AMIGO3: variants seen among roughly 807,000 people sequenced by gnomAD.
The protein encoded by AMIGO3 is adhesion molecule with Ig like domain 3.
Under a neutral mutation model 4.3 loss-of-function variants are expected in AMIGO3, and 6 were observed. That is an observed-to-expected ratio of 1.39 (90% CI 0.76 to 2.75). AMIGO3 has a LOEUF of 2.75. AMIGO3 is among the 30% of genes most tolerant of loss of function. The pLI is 0.00. For synonymous variants in AMIGO3, 315 were observed against 320.0 expected, an observed-to-expected ratio of 0.98 and a Z score of 0.17; for missense variants, 771 against 692.1, an observed-to-expected ratio of 1.11 and a Z score of -1.28.
chr3:49,717,558 G>T lies in AMIGO3; in HGVS notation c.*393C>A, dbSNP rs933890234. ...GCTGTCTCAGCCCCTGAGGGTGGACGGGAGGCTCTGCTACAGGGGTTCTTC... is the reference window on the plus strand; with the variant it reads ...GCTGTCTCAGCCCCTGAGGGTGGACTGGAGGCTCTGCTACAGGGGTTCTTC... On this transcript the variant is annotated 3_prime_UTR_variant, in exon 1 of 1. Coordinates refer to ENST00000320431, the MANE Select transcript of AMIGO3 (RefSeq NM_198722.3). 18 of 246,382 alleles carry T rather than the reference G, an allele frequency of 7.3e-5. No individual in the cohort carries two copies. The highest frequency in any genetic ancestry group is 2.4e-5 in the Non-Finnish European group (3 of 125,480). The allele number at this position is 246,382 out of a possible 1,614,324, so 15.3% of individuals were successfully genotyped here.
rs760066540 is a variant in AMIGO3, at chr3:49,718,808, GGTT to G, written c.655_657del (p.Asn219del). The G allele has an allele frequency of 1.8e-5, 29 of 1,613,230 alleles. No individual in the cohort carries two copies. Among genetic ancestry groups the G allele is most frequent in the East Asian group, 2.2e-5 (1 of 44,894 alleles). ...TAGAGGCGGCAGTCGCAAGGCAAAG[GGTT>G]GTTGTGCAAGTAGAGGCCGTTCTTG... On this transcript the variant is annotated inframe_deletion, in exon 1 of 1. Transcript: ENST00000320431.
In AMIGO3 at chr3:49,719,029, A is replaced by C; in HGVS notation, c.437T>G (p.Val146Gly). 6.2e-7 allele frequency: 1 copy of C among 1,613,892 alleles called. No individual in the cohort carries two copies. The highest frequency in any genetic ancestry group is 1.1e-5 in the South Asian group (1 of 91,092). ...EKLLLFNNRL[V>G]HLDEHAFHGL... ...GTGGAAGGCATGCTCGTCCAAGTGC[A>C]CCAAGCGGTTATTGAACAGAAGCAG... The change falls in exon 1 of 1, where the codon GTG (valine) becomes GGG (glycine). Residue 146 changes from valine to glycine, a missense_variant. Val to Gly is a moderately radical substitution (Grantham distance 109). Coordinates refer to ENST00000320431, the MANE Select transcript of AMIGO3 (RefSeq NM_198722.3).
Position 49,719,474 on chromosome 3 carries a change from C to T in AMIGO3, c.-9G>A. ...AGCACCAACCAGGTCATGGCGGCGACCACCAGGGACAGTACAGAGCAGCTC... is the reference window on the plus strand; with the variant it reads ...AGCACCAACCAGGTCATGGCGGCGATCACCAGGGACAGTACAGAGCAGCTC... On this transcript the variant is annotated 5_prime_UTR_variant, in exon 1 of 1. Coordinates refer to ENST00000320431, the MANE Select transcript of AMIGO3 (RefSeq NM_198722.3). 1 of 1,606,472 alleles carries T rather than the reference C, an allele frequency of 6.2e-7. No individual in the cohort carries two copies. Among genetic ancestry groups the T allele is most frequent in the Non-Finnish European group, 8.5e-7 (1 of 1,176,310 alleles).
Position 49,719,170 on chromosome 3 carries a change from G to T in AMIGO3, c.296C>A (p.Ala99Glu). 1 of 1,613,526 alleles carries T rather than the reference G, an allele frequency of 6.2e-7. No homozygotes were observed. The highest frequency in any genetic ancestry group is 8.5e-7 in the Non-Finnish European group (1 of 1,179,994). The change falls in exon 1 of 1, where the codon GCG (alanine) becomes GAG (glutamate). Residue 99 changes from alanine to glutamate, a missense_variant. By Grantham distance (107) the Ala-to-Glu change is moderately radical. Coordinates refer to ENST00000320431, the MANE Select transcript of AMIGO3 (RefSeq NM_198722.3). ...GTTGACGAAGACGCCGCGACCCAGC[G>T]CATCTAGTTCGTTGTGGTCTAGGTG... ...ALHLDHNELD[A>E]LGRGVFVNAS...
rs746321350 is a variant in AMIGO3, at chr3:49,719,354, A to C, written c.112T>G (p.Cys38Gly). Reference sequence around the variant, plus strand: ...CTTAGCAGGTCGGCAGCGCAGATACATTTGTAGGGGCAGTTGTGGAGCGCA... The same window carrying C: ...CTTAGCAGGTCGGCAGCGCAGATACCTTTGTAGGGGCAGTTGTGGAGCGCA... ...PRALHNCPYK[C>G]ICAADLLSCT... Residue 38 changes from cysteine to glycine, a missense_variant, in exon 1 of 1, where the codon TGT (cysteine) becomes GGT (glycine). Cys to Gly is a radical substitution (Grantham distance 159, BLOSUM62 -3). Transcript: ENST00000320431. 92 of 1,613,366 alleles carry C rather than the reference A, an allele frequency of 5.7e-5. No individual in the cohort carries two copies. The highest frequency in any genetic ancestry group is 1.7e-4 in the Middle Eastern group (1 of 5,844).
Position 49,718,464 on chromosome 3 carries a change from G to A in AMIGO3, c.1002C>T (p.Asp334=), listed in dbSNP as rs2080301926. Reference sequence around the variant, plus strand: ...GTACGTTGCCTATGGCCAAGCTGCCGTCGGCCAGCACCGCGATGCTGCCAT... The same window carrying A: ...GTACGTTGCCTATGGCCAAGCTGCCATCGGCCAGCACCGCGATGCTGCCAT... ...SRDGSIAVLA[D]GSLAIGNVQE... The change falls in exon 1 of 1, where the codon GAC becomes GAT. Residue 334 remains aspartate, a synonymous_variant. Coordinates refer to ENST00000320431, the MANE Select transcript of AMIGO3 (RefSeq NM_198722.3). 1.2e-6 allele frequency: 2 copies of A among 1,612,882 alleles called. No individual in the cohort carries two copies. The highest frequency in any genetic ancestry group is 1.7e-6 in the Non-Finnish European group (2 of 1,179,932).
Position 49,717,287 on chromosome 3 carries a change from C to T in AMIGO3, c.*664G>A, listed in dbSNP as rs568793567. 11 of 155,966 alleles carry T rather than the reference C, an allele frequency of 7.1e-5. No individual in the cohort carries two copies. The highest frequency in any genetic ancestry group is 1.1e-4 in the Non-Finnish European group (8 of 70,326). The allele number at this position is 155,966 out of a possible 1,614,324, so 9.7% of individuals were successfully genotyped here. A position where few individuals can be genotyped will look rare whatever the true frequency, so the allele number is the denominator to read the frequency against. On this transcript the variant is annotated 3_prime_UTR_variant, in exon 1 of 1. Coordinates refer to ENST00000320431, the MANE Select transcript of AMIGO3 (RefSeq NM_198722.3). Reference sequence around the variant, plus strand: ...AGACCACCAGGAACCTCTTGAGGAGCCTTTCCTGCCTGGTGCCTGCCCACC... The same window carrying T: ...AGACCACCAGGAACCTCTTGAGGAGTCTTTCCTGCCTGGTGCCTGCCCACC...
In AMIGO3 at chr3:49,719,635, G is replaced by C; in HGVS notation, c.-170C>G. On this transcript the variant is annotated 5_prime_UTR_variant, in exon 1 of 1. Coordinates refer to ENST00000320431, the MANE Select transcript of AMIGO3 (RefSeq NM_198722.3). ...CTACTCTCCGGTTCCCAGGTTGTGAGGCGGTGCGGCACTCTTAGCCGCGCT... is the reference window on the plus strand; with the variant it reads ...CTACTCTCCGGTTCCCAGGTTGTGACGCGGTGCGGCACTCTTAGCCGCGCT... 1 of 613,060 alleles carries C rather than the reference G, an allele frequency of 1.6e-6. No homozygotes were observed. The highest frequency in any genetic ancestry group is 2.1e-5 in the South Asian group (1 of 48,196). The allele number at this position is 613,060 out of a possible 1,614,324, so 38.0% of individuals were successfully genotyped here. A position where few individuals can be genotyped will look rare whatever the true frequency, so the allele number is the denominator to read the frequency against.
At position 49,718,314 on chromosome 3, in the gene AMIGO3, G is replaced by A. The variant is rs779549537; in HGVS notation, c.1152C>T (p.Gly384=). 3.1e-6 allele frequency: 5 copies of A among 1,613,326 alleles called. No homozygotes were observed. Among genetic ancestry groups the A allele is most frequent in the South Asian group, 1.1e-5 (1 of 91,084 alleles). ...CGGCACAGCCCAGCAGTGTGGTGAA[G>A]CCTGTGTTGAAAGCCTCGGGCTCTG... ...PRPEPEAFNT[G]FTTLLGCAVG... Residue 384 remains glycine, a synonymous_variant, in exon 1 of 1, where the codon GGC becomes GGT. Coordinates refer to ENST00000320431, the MANE Select transcript of AMIGO3 (RefSeq NM_198722.3).
In AMIGO3 at chr3:49,717,991, G is replaced by A. The variant is rs768800462; in HGVS notation, c.1475C>T (p.Ser492Phe). The A allele has an allele frequency of 8.7e-6, 14 of 1,613,478 alleles. No homozygotes were observed. The highest frequency in any genetic ancestry group is 1.3e-5 in the African/African-American group (1 of 74,930). ...ACCCTCGGAGCCTATGGAGCTGGCGGACTCAGAGCCAGCCTTCAGCTGCAG... is the reference window on the plus strand; with the variant it reads ...ACCCTCGGAGCCTATGGAGCTGGCGAACTCAGAGCCAGCCTTCAGCTGCAG... ...GGLQLKAGSE[S>F]ASSIGSEGPM... The change falls in exon 1 of 1, where the codon TCC becomes TTC. Residue 492 changes from serine to phenylalanine, a missense_variant. Ser to Phe is a radical substitution (Grantham distance 155, BLOSUM62 -2). Transcript: ENST00000320431.
In AMIGO3 at chr3:49,717,871, C is replaced by G; in HGVS notation, c.*80G>C. The G allele has an allele frequency of 6.8e-7, 1 of 1,467,274 alleles. No individual in the cohort carries two copies. The highest frequency in any genetic ancestry group is 9.2e-7 in the Non-Finnish European group (1 of 1,087,950). The allele number at this position is 1,467,274 out of a possible 1,614,324, so 90.9% of individuals were successfully genotyped here. On this transcript the variant is annotated 3_prime_UTR_variant, in exon 1 of 1. Transcript: ENST00000320431. ...CAGGCACAGTGCTTCCCACCAGTATCTGCCAGTTCTCTGGACCGAAGCAGG... is the reference window on the plus strand; with the variant it reads ...CAGGCACAGTGCTTCCCACCAGTATGTGCCAGTTCTCTGGACCGAAGCAGG...
Position 49,718,347 on chromosome 3 carries a change from A to G in AMIGO3, c.1119T>C (p.Phe373=), listed in dbSNP as rs1433340405. 6.2e-7 allele frequency: 1 copy of G among 1,613,248 alleles called. No homozygotes were observed. Among genetic ancestry groups the G allele is most frequent in the African/African-American group, 1.3e-5 (1 of 74,938 alleles). The part of the protein sequence containing the change: ...QTHEYNVSVH[F]PRPEPEAFNT... ...TGAAAGCCTCGGGCTCTGGGCGCGGAAAGTGCACGCTCACGTTGTACTCGT... is the reference window on the plus strand; with the variant it reads ...TGAAAGCCTCGGGCTCTGGGCGCGGGAAGTGCACGCTCACGTTGTACTCGT... Residue 373 remains phenylalanine (F), a synonymous_variant, in exon 1 of 1, where the codon TTT becomes TTC. Coordinates refer to ENST00000320431, the MANE Select transcript of AMIGO3 (RefSeq NM_198722.3).
Position 49,718,764 on chromosome 3 carries a change from C to A in AMIGO3, c.702G>T (p.Trp234Cys). 6.2e-7 allele frequency: 1 copy of A among 1,613,276 alleles called. No homozygotes were observed. The highest frequency in any genetic ancestry group is 1.1e-5 in the South Asian group (1 of 91,084). ...DCRLYHLLQRWHQRGLSAVRD... is the reference protein window; with the variant it reads ...DCRLYHLLQRCHQRGLSAVRD... ...GCACGGCGCTCAGGCCCCGCTGGTGCCAGCGCTGTAGCAGGTGGTAGAGGC... is the reference window on the plus strand; with the variant it reads ...GCACGGCGCTCAGGCCCCGCTGGTGACAGCGCTGTAGCAGGTGGTAGAGGC... Residue 234 changes from tryptophan (W) to cysteine (C), a missense_variant, in exon 1 of 1, where the codon TGG becomes TGT. Transcript: ENST00000320431.
In AMIGO3 at chr3:49,719,566, C is replaced by T. The variant is rs1370128398; in HGVS notation, c.-101G>A. 39 of 1,082,252 alleles carry T rather than the reference C, an allele frequency of 3.6e-5. No homozygotes were observed. The highest frequency in any genetic ancestry group is 4.5e-5 in the Non-Finnish European group (34 of 751,420). 67.0% of individuals were successfully genotyped at this position (1,082,252 alleles called of 1,614,324 possible). A position where few individuals can be genotyped will look rare whatever the true frequency, so the allele number is the denominator to read the frequency against. ...GTGCGACATGGGTGGCACCGGATGG[C>T]CCTTGCCGAGGAGGCACGGCGGGTT... On this transcript the variant is annotated 5_prime_UTR_variant, in exon 1 of 1. Coordinates refer to ENST00000320431, the MANE Select transcript of AMIGO3 (RefSeq NM_198722.3).
Position 49,719,262 on chromosome 3 carries a change from C to CACG in AMIGO3, c.203_204insCGT (p.Leu68_Ser69insVal). 2 of 1,613,366 alleles carry CACG rather than the reference C, an allele frequency of 1.2e-6. No individual in the cohort carries two copies. The highest frequency in any genetic ancestry group is 1.7e-6 in the Non-Finnish European group (2 of 1,179,930). ...GCAGGCGCTGGAGCGCGTTGTGGCT[C>CACG]AGGTCGAGGTCCGCAGTAGCGGCAG... On this transcript the variant is annotated inframe_insertion, in exon 1 of 1. Coordinates refer to ENST00000320431, the MANE Select transcript of AMIGO3 (RefSeq NM_198722.3).
Position 49,718,374 on chromosome 3 carries a change from C to T in AMIGO3, c.1092G>A (p.Thr364=), listed in dbSNP as rs769465616. 1 of 1,613,366 alleles carries T rather than the reference C, an allele frequency of 6.2e-7. No homozygotes were observed. Among genetic ancestry groups the T allele is most frequent in the East Asian group, 2.2e-5 (1 of 44,878 alleles). Residue 364 remains threonine (T), a synonymous_variant, in exon 1 of 1, where the codon ACG becomes ACA. Coordinates refer to ENST00000320431, the MANE Select transcript of AMIGO3 (RefSeq NM_198722.3). ...AGTGCACGCTCACGTTGTACTCGTG[C>T]GTCTGGTTGTGGTGCAGGCGGGGCC... ...ATGPRLHHNQ[T]HEYNVSVHFP... is the part of the protein sequence containing the mutation.
rs145301034 is a variant in AMIGO3, at chr3:49,719,323, G to A, written c.143C>T (p.Thr48Ile). 177 of 1,613,128 alleles carry A rather than the reference G, an allele frequency of 1.1e-4. No individual in the cohort carries two copies. The highest frequency in any genetic ancestry group is 1.5e-4 in the Non-Finnish European group (173 of 1,180,016). The change falls in exon 1 of 1, where the codon ACT (threonine) becomes ATT (isoleucine). Residue 48 changes from threonine to isoleucine, a missense_variant. By Grantham distance (89) the Thr-to-Ile change is moderately conservative. Transcript: ENST00000320431. ...TGGCACGTCCTGCAGCCCTAGGCCA[G>A]TGCAGCTTAGCAGGTCGGCAGCGCA... ...CICAADLLSC[T>I]GLGLQDVPAE...
rs1340181406 is a variant in AMIGO3, at chr3:49,719,646, A to C, written c.-181T>G. 2 of 591,038 alleles carry C rather than the reference A, an allele frequency of 3.4e-6. No homozygotes were observed. Among genetic ancestry groups the C allele is most frequent in the East Asian group, 6.1e-5 (2 of 32,862 alleles). The allele number at this position is 591,038 out of a possible 1,614,324, so 36.6% of individuals were successfully genotyped here. A position where few individuals can be genotyped will look rare whatever the true frequency, so the allele number is the denominator to read the frequency against. Reference sequence around the variant, plus strand: ...TTCCCAGGTTGTGAGGCGGTGCGGCACTCTTAGCCGCGCTCCCTTCGGCTT... The same window carrying C: ...TTCCCAGGTTGTGAGGCGGTGCGGCCCTCTTAGCCGCGCTCCCTTCGGCTT... On this transcript the variant is annotated 5_prime_UTR_variant, in exon 1 of 1. Transcript: ENST00000320431.
At position 49,718,209 on chromosome 3, in the gene AMIGO3, C is replaced by T; in HGVS notation, c.1257G>A (p.Trp419Ter). 6 of 1,612,336 alleles carry T rather than the reference C, an allele frequency of 3.7e-6. No homozygotes were observed. Among genetic ancestry groups the T allele is most frequent in the Non-Finnish European group, 4.2e-6 (5 of 1,179,556 alleles). Residue 419 changes from tryptophan (W) to a stop codon, truncating the protein, a stop_gained, in exon 1 of 1, where the codon TGG becomes TGA. Coordinates refer to ENST00000320431, the MANE Select transcript of AMIGO3 (RefSeq NM_198722.3). LOFTEE classifies it high-confidence loss of function. ...CTTGGAGCGGGCTGGGTGTTTGGGG[C>T]CAGCGGCGGCAGCGGCAGGCACGGC... is the stretch of plus-strand genomic sequence containing the variant. The part of the protein sequence containing the change: ...CCRRACRCRR[W>*]PQTPSPLQEL...
Sources: gnomAD v4.1 joint callset for allele counts on GRCh38, gnomAD v4.1.1 for gene constraint, MANE v1.5 for transcripts, NCBI Gene and HGNC (gene_info 2026-07-23, HGNC 2026-07-21) for gene names.